DNMT1: variants seen among roughly 807,000 people sequenced by gnomAD.
DNMT1 encodes the protein DNA (cytosine-5)-methyltransferase 1.
DNMT1 carries 24 observed loss-of-function variants against 205.3 expected under a neutral mutation model. The ratio of observed to expected loss-of-function variants is 0.12; its 90% CI spans 0.08 to 0.16. DNMT1 has a LOEUF of 0.16. DNMT1 is among the 10% of genes least tolerant of loss of function. DNMT1 has a pLI of 1.00. For synonymous variants in DNMT1, 817 were observed against 839.8 expected (o/e 0.97, Z 0.47); for missense variants, 1,293 against 2,177.7 (o/e 0.59, Z 8.09).
Position 10,138,656 on chromosome 19 carries a change from T to C in DNMT1, c.3949-51A>G, listed in dbSNP as rs975602761. 1.7e-5 allele frequency: 27 copies of C among 1,578,340 alleles called. No homozygotes were observed. The highest frequency in any genetic ancestry group is 2.2e-5 in the Non-Finnish European group (26 of 1,170,074). On this transcript the variant is annotated intron_variant, in intron 34 of 40. Transcript: ENST00000359526. This position sits in a 1 kb window ranked among gnomAD's most constrained non-coding sequence, Gnocchi z 4.1. ...CCACCGTCAGTGGGACACTCCCAAC[T>C]GGACTGGCCAGACCCAGGCCCAGGG...
At chr19:10,144,359 G>A (rs2089658112) in intron 28 of DNMT1, 1 of 334,734 alleles carries the variant, frequency 3.0e-6, no homozygotes, top group Admixed American at 4.0e-5. Context: ...AGTGAGCTGA[G>A]ATTGTGCCAC....
At chr19:10,170,246 C>G (rs1389509577) in intron 9 of DNMT1, among the ~76,000 whole-genome samples, 1 of 151,922 alleles carries the variant, frequency 6.6e-6, no homozygotes, top group African/African-American at 2.4e-5. Flanking sequence ...AATTGCGCCA[C>G]TTCACTCCAG....
At chr19:10,188,925 C>T (rs1388055598) in intron 1 of DNMT1, among the ~76,000 whole-genome samples, 1 of 152,162 alleles carries the variant, frequency 6.6e-6, no homozygotes, top group East Asian at 1.9e-4. Flanking sequence ...TGCCAACACC[C>T]CAAAATAGGA....
chr19:10,141,911 C>T, intron 30 of DNMT1, 117 bp downstream of exon 30: 1 of 1,269,270 alleles, frequency 7.9e-7, no homozygotes, highest in Non-Finnish European at 1.1e-6. Context: ...GCCAACCACC[C>T]ACTTCTTACA....
In DNMT1 at chr19:10,160,005, G is replaced by C. The variant is rs764042063; in HGVS notation, c.1089+13C>G. The C allele has an allele frequency of 2.8e-5, 45 of 1,614,040 alleles. No individual in the cohort carries two copies. The East Asian group carries it at 9.8e-4, about 35-fold the overall frequency. On this transcript the variant is annotated intron_variant, in intron 15 of 40. Coordinates refer to ENST00000359526, the MANE Select transcript of DNMT1 (RefSeq NM_001130823.3). The stretch of plus-strand genomic sequence containing the variant: ...GAGCGCCGCCACCGGCTTTATTCCC[G>C]GCAGATGTTTACCTTGGAGTTCATG...
Position 10,154,260 on chromosome 19 carries a change from T to C in DNMT1, c.2019+33A>G. 1 of 1,612,078 alleles carries C rather than the reference T, an allele frequency of 6.2e-7. No individual in the cohort carries two copies. Among genetic ancestry groups the C allele is most frequent in the Non-Finnish European group, 8.5e-7 (1 of 1,178,340 alleles). On this transcript the variant is annotated intron_variant, in intron 22 of 40. Transcript: ENST00000359526. The surrounding 1 kb of genome is among the most constrained non-coding windows in gnomAD (Gnocchi z 6.3). ...GATCAGGCCAGAGGCTGGGCCACCTTAGGGGAGCGGGAGCACCCACAGGTG... is the reference window on the plus strand; with the variant it reads ...GATCAGGCCAGAGGCTGGGCCACCTCAGGGGAGCGGGAGCACCCACAGGTG...
intron 28 of DNMT1, chr19:10,144,645 G>C (rs997519843): frequency 6.4e-6 from 1 of 156,568 alleles, no homozygotes; most frequent in African/African-American, 2.4e-5. Flanking sequence ...CTCAAACACT[G>C]GCAACTTCTG....
intron 8 of DNMT1, 94 bp from the exon 9 acceptor site, chr19:10,173,268 A>G: frequency 8.3e-7 from 1 of 1,204,354 alleles, no homozygotes; most frequent in South Asian, 1.2e-5. Flanking sequence ...CCCAAAAGCA[A>G]TCTTCATTAT....
rs1367186741 is a variant in DNMT1 at position 10,151,899 on chromosome 19, C to A, written c.2020-52G>T. On this transcript the variant is annotated intron_variant, in intron 22 of 40. Transcript: ENST00000359526. This position sits in a 1 kb window ranked among gnomAD's most constrained non-coding sequence, Gnocchi z 5.0. ...TCAGGGCTGGGCACAGTGGTTCATG[C>A]CTGTAATCCCAGTATTTCAGAAGGC... The A allele has an allele frequency of 3.9e-5, 60 of 1,551,148 alleles. No homozygotes were observed. Among genetic ancestry groups the A allele is most frequent in the Non-Finnish European group, 5.3e-5 (60 of 1,123,832 alleles).
At chr19:10,180,646 TTCATCATCATCA>T (rs3217302) in intron 3 of DNMT1, 77 bp from the exon 4 acceptor site, 28 of 1,467,314 alleles carry the variant, frequency 1.9e-5, no homozygotes, top group Middle Eastern at 1.7e-4. Flanking sequence ...ATGTGTTTCC[TTCATCATCATCA>T]TCATCATCAT....
Position 10,139,672 on chromosome 19 carries a change from C to T in DNMT1, c.3948+4G>A, listed in dbSNP as rs774356396. ...TGTCTGCCCGCCCCAGCCCCAGGGC[C>T]CACCTGCAGCACGCCGAAGGTGCAC... On this transcript the variant is annotated splice_donor_region_variant and intron_variant, in intron 34 of 40. Transcript: ENST00000359526. The T allele has an allele frequency of 7.4e-6, 12 of 1,612,230 alleles. No homozygotes were observed. The South Asian group carries it at 1.3e-4, about 18-fold the overall frequency.
intron 8 of DNMT1, 111 bp downstream of exon 8, chr19:10,173,760 G>C (rs1599387925): frequency 8.3e-7 from 1 of 1,207,650 alleles, no homozygotes; most frequent in South Asian, 1.2e-5. Context: ...CCAAAGTGCT[G>C]AGATTACAGG....
chr19:10,134,128 G>A (rs2089429783), intron 40 of DNMT1, 89 bp downstream of exon 40: 2 of 1,449,878 alleles, frequency 1.4e-6, no homozygotes, highest in Admixed American at 1.7e-5. Context: ...CTGAGTCCCA[G>A]AGCCCAAAAC....
chr19:10,155,406 C>T (rs1417385635), intron 19 of DNMT1, among the ~76,000 whole-genome samples: 3 of 151,772 alleles, frequency 2.0e-5, no homozygotes, highest in South Asian at 2.1e-4. Context: ...GGCGTGATCT[C>T]GGCTCACTGC....
chr19:10,152,046 G>A (rs1282417049), intron 22 of DNMT1, among the ~76,000 whole-genome samples, 199 bp from the exon 23 acceptor site: 1 of 149,618 alleles, frequency 6.7e-6, no homozygotes, highest in Non-Finnish European at 1.5e-5. Context: ...TGTAATCCCA[G>A]CTACTTGGGA....
At chr19:10,178,690 C>T (rs1033366357) in intron 5 of DNMT1, 1 of 151,874 alleles carries the variant, frequency 6.6e-6, no homozygotes, top group Admixed American at 6.6e-5. Flanking sequence ...GGAGGTGGAG[C>T]TTGCAGTGAG....
In DNMT1 at chr19:10,135,270, G is replaced by A. The variant is rs572570732; in HGVS notation, c.4773+466C>T. 1.3e-3 allele frequency among the ~76,000 whole-genome samples: 191 copies of A among 150,762 alleles called. 1 individual carries two copies. Among genetic ancestry groups the A allele is most frequent in the Non-Finnish European group, 2.3e-3 (158 of 67,836 alleles). ...TTCCCGAGAACCAGATTCGGGGGGA[G>A]GGGTGAAATGTGGTTTTCACAAGAA... is the stretch of plus-strand genomic sequence containing the variant. On this transcript the variant is annotated intron_variant, in intron 39 of 40. Coordinates refer to ENST00000359526, the MANE Select transcript of DNMT1 (RefSeq NM_001130823.3).
At position 10,159,538 on chromosome 19, in the gene DNMT1, T is replaced by TAGCTTA. The variant is rs374928276; in HGVS notation, c.1280+114_1280+119dup. The TAGCTTA allele has an allele frequency of 9.3e-5, 97 of 1,042,884 alleles. No individual in the cohort carries two copies. In the African/African-American group the frequency reaches 1.4e-3, roughly 15 times the overall value. 64.6% of individuals were successfully genotyped at this position (1,042,884 alleles called of 1,614,324 possible). ...ACGGTGGCTCTTATCCACGAAGTGTTAGCTTAAGACATGTTGCAGGTCAGG... is the reference window on the plus strand; with the variant it reads ...ACGGTGGCTCTTATCCACGAAGTGTTAGCTTAAGCTTAAGACATGTTGCAGGTCAGG... On this transcript the variant is annotated intron_variant, in intron 17 of 40. Coordinates refer to ENST00000359526, the MANE Select transcript of DNMT1 (RefSeq NM_001130823.3). The surrounding 1 kb of genome is among the most constrained non-coding windows in gnomAD (Gnocchi z 5.0).
Position 10,154,498 on chromosome 19 carries a change from C to T in DNMT1, c.1833-19G>A, listed in dbSNP as rs779863134. ...GGCTCGCCTACGGGAGAGGTTCCAGCATCTCAGAGGACTGGGACAGAGGAT... is the reference window on the plus strand; with the variant it reads ...GGCTCGCCTACGGGAGAGGTTCCAGTATCTCAGAGGACTGGGACAGAGGAT... On this transcript the variant is annotated intron_variant, in intron 21 of 40. Transcript: ENST00000359526. This position sits in a 1 kb window ranked among gnomAD's most constrained non-coding sequence, Gnocchi z 6.3. 6.2e-7 allele frequency: 1 copy of T among 1,614,058 alleles called. No individual in the cohort carries two copies.
Sources: allele counts gnomAD v4.1 joint callset (sites outside exome capture counted in the v4.1 genomes callset), GRCh38; gene constraint gnomAD v4.1.1; non-coding constraint Gnocchi (gnomAD v3.1); transcripts MANE v1.5; gene names NCBI Gene and HGNC (gene_info 2026-07-23, HGNC 2026-07-21).